TOGARAM2: variants seen among roughly 807,000 people sequenced by gnomAD.
TOGARAM2 encodes the protein TOG array regulator of axonemal microtubules 2.
In TOGARAM2, 85 loss-of-function variants were observed where a neutral mutation model predicts 93.3. The ratio of observed to expected loss-of-function variants is 0.91; its 90% CI spans 0.76 to 1.09. The LOEUF is 1.09. Ranked by LOEUF, TOGARAM2 falls within the 50% of genes least tolerant of loss-of-function variation. The probability of loss-of-function intolerance (pLI) is 0.00; values close to 1 mark genes in which losing one functional copy is unlikely to be tolerated. For missense variants in TOGARAM2, 1,277 were observed against 1,334.5 expected, an observed-to-expected ratio of 0.96 and a Z score of 0.67; for synonymous variants, 593 against 552.8, an observed-to-expected ratio of 1.07 and a Z score of -1.02.
intron 6 of TOGARAM2, among the ~76,000 whole-genome samples, chr2:29,005,527 A>T (rs1369254968): frequency 7.5e-6 from 1 of 134,034 alleles, no homozygotes; most frequent in African/African-American, 3.0e-5. Flanking sequence ...ACGTGTGTGA[A>T]GCCATGTGTG....
chr2:28,969,164 G>A (rs954713973), intron 1 of TOGARAM2, among the ~76,000 whole-genome samples: 1 of 152,224 alleles, frequency 6.6e-6, no homozygotes, highest in Admixed American at 6.5e-5. Context: ...GAGAGGTTTC[G>A]GGAGGATTCT....
At chr2:29,012,333 G>C (rs929516588) in intron 7 of TOGARAM2, among the ~76,000 whole-genome samples, 1 of 152,210 alleles carries the variant, frequency 6.6e-6, no homozygotes, top group Non-Finnish European at 1.5e-5. Flanking sequence ...GTTGGCGAAG[G>C]GGGGTGGCTG....
At chr2:28,996,061 T>C (rs989719827) in intron 2 of TOGARAM2, among the ~76,000 whole-genome samples, 1 of 152,242 alleles carries the variant, frequency 6.6e-6, no homozygotes, top group East Asian at 1.9e-4. Context: ...AACACAGGGC[T>C]GTGCCTGGGG....
chr2:29,027,878 G>T (rs578218909), intron 14 of TOGARAM2, among the ~76,000 whole-genome samples: 36 of 152,042 alleles, frequency 2.4e-4, no homozygotes, highest in African/African-American at 6.8e-4. Context: ...GGGTGGGGAC[G>T]GCCAGCCTGG....
At chr2:29,016,030 A>G (rs964397165) in intron 8 of TOGARAM2, among the ~76,000 whole-genome samples, 3 of 152,122 alleles carry the variant, frequency 2.0e-5, no homozygotes, top group African/African-American at 7.2e-5. Flanking sequence ...GCTGCTGCTC[A>G]ATATCTCTGC....
At chr2:28,982,977 T>A (rs12614521) in intron 1 of TOGARAM2, among the ~76,000 whole-genome samples, 13,983 of 151,782 alleles carry the variant, frequency 0.092, 1,488 homozygotes, top group East Asian at 0.61. Flanking sequence ...TCTGCATTTT[T>A]ATTTTAATTT....
chr2:28,985,332 G>GGT (rs1553335274), intron 1 of TOGARAM2, among the ~76,000 whole-genome samples: 27 of 149,696 alleles, frequency 1.8e-4, no homozygotes, highest in Non-Finnish European at 3.6e-4. Flanking sequence ...AATTGCTGGG[G>GGT]TTTTTTTTTT....
intron 7 of TOGARAM2, among the ~76,000 whole-genome samples, chr2:29,014,048 C>T (rs575084132): frequency 2.0e-4 from 31 of 152,266 alleles, no homozygotes; most frequent in African/African-American, 6.0e-4. Flanking sequence ...CTTTTCCTGC[C>T]GTACGTACCT....
rs1246047969 is a variant in TOGARAM2, at chr2:29,036,528, G to A, written c.2419-13G>A. 13 of 1,613,716 alleles carry A rather than the reference G, an allele frequency of 8.1e-6. No homozygotes were observed. Among genetic ancestry groups the A allele is most frequent in the Non-Finnish European group, 9.3e-6 (11 of 1,179,748 alleles). ...GGGTTCCCATGGGCTCTTGGTTTCTGTTTCTTCAATAGGTCTTTGATGCTT... is the reference window on the plus strand; with the variant it reads ...GGGTTCCCATGGGCTCTTGGTTTCTATTTCTTCAATAGGTCTTTGATGCTT... On this transcript the variant is annotated splice_polypyrimidine_tract_variant and intron_variant, in intron 17 of 19. Transcript: ENST00000379558.
intron 18 of TOGARAM2, among the ~76,000 whole-genome samples, chr2:29,040,853 C>T (rs576516304): frequency 2.0e-4 from 31 of 152,230 alleles, no homozygotes; most frequent in African/African-American, 6.5e-4. Context: ...CCCCGTGTCT[C>T]GTTTGTTGGC....
chr2:29,049,475 T>C (rs1402822233), intron 19 of TOGARAM2: 1 of 152,248 alleles, frequency 6.6e-6, no homozygotes, highest in African/African-American at 2.4e-5. Flanking sequence ...TTGCATTCCA[T>C]AGGGATTCAG....
intron 1 of TOGARAM2, among the ~76,000 whole-genome samples, chr2:28,965,811 G>T (rs1572616125): frequency 6.6e-6 from 1 of 152,122 alleles, no homozygotes; most frequent in Non-Finnish European, 1.5e-5. Flanking sequence ...CCACTAGATT[G>T]GGATGCCCCT....
At chr2:28,985,828 A>T (rs1330755553) in intron 1 of TOGARAM2, among the ~76,000 whole-genome samples, 1 of 152,188 alleles carries the variant, frequency 6.6e-6, no homozygotes, top group East Asian at 1.9e-4. Context: ...GAGAAGATGT[A>T]GTGTGAGGCT....
rs1271150493 is a variant in TOGARAM2 at position 28,958,298 on chromosome 2, GT to G, written c.-147+1615del. Reference sequence around the variant, plus strand: ...GATCCTTTCTCCCTCACTAGACCTTGTTTTTTTTTTTTTTCCTTTTCTTTTG... The same window carrying G: ...GATCCTTTCTCCCTCACTAGACCTTGTTTTTTTTTTTTTCCTTTTCTTTTG... On this transcript the variant is annotated intron_variant, in intron 1 of 6. Transcript: ENST00000401723. 1.5e-3 allele frequency among the ~76,000 whole-genome samples: 214 copies of G among 138,582 alleles called. 1 individual carries two copies. The highest frequency in any genetic ancestry group is 8.8e-3 in the East Asian group (42 of 4,774). 90.9% of individuals were successfully genotyped at this position (138,582 alleles called of 152,430 possible). A position where few individuals can be genotyped will look rare whatever the true frequency, so the allele number is the denominator to read the frequency against.
chr2:29,033,093 G>A (rs1357120262), intron 15 of TOGARAM2, 42 bp downstream of exon 15: 1 of 1,537,086 alleles, frequency 6.5e-7, no homozygotes, highest in Non-Finnish European at 8.9e-7. Flanking sequence ...TTTTGGGGGT[G>A]GGGGTGACAG....
chr2:29,037,003 C>T (rs1362355499), intron 18 of TOGARAM2, among the ~76,000 whole-genome samples: 1 of 152,152 alleles, frequency 6.6e-6, no homozygotes. Flanking sequence ...GTCCAGCCTC[C>T]TCATAGACAC....
At chr2:28,981,086 G>A (rs958047110), upstream of TOGARAM2, among the ~76,000 whole-genome samples, 4 of 152,196 alleles carry the variant, frequency 2.6e-5, no homozygotes, top group African/African-American at 9.7e-5. Flanking sequence ...AGCCAGCTAT[G>A]CACTTCCTGG....
intron 13 of TOGARAM2, among the ~76,000 whole-genome samples, chr2:29,025,699 G>A (rs556984697): frequency 5.3e-5 from 8 of 152,202 alleles, no homozygotes; most frequent in African/African-American, 1.4e-4. Flanking sequence ...GGACAAAAGG[G>A]TCAGTGCTTC....
chr2:28,976,276 C>T (rs966366333), intron 1 of TOGARAM2, among the ~76,000 whole-genome samples: 1 of 152,158 alleles, frequency 6.6e-6, no homozygotes, highest in African/African-American at 2.4e-5. Context: ...GAGGCTGAGG[C>T]AGGAGAATGG....
Sources: allele counts gnomAD v4.1 joint callset (sites outside exome capture counted in the v4.1 genomes callset), GRCh38; gene constraint gnomAD v4.1.1; transcripts MANE v1.5; gene names NCBI Gene and HGNC (gene_info 2026-07-23, HGNC 2026-07-21).